OTC: variants seen among roughly 807,000 people sequenced by gnomAD.
OTC encodes the protein ornithine transcarbamylase, also known as ornithine transcarbamylase, mitochondrial.
A neutral mutation model predicts 30.3 loss-of-function variants in OTC; 3 were observed. The observed-to-expected ratio is 0.10, with a 90% CI of 0.05 to 0.26. The LOEUF (loss-of-function observed/expected upper bound fraction) is 0.26. OTC is among the 10% of genes least tolerant of loss of function. The pLI is 1.00. For missense variants in OTC, 194 were observed against 260.3 expected, an observed-to-expected ratio of 0.75 and a Z score of 1.75; for synonymous variants, 111 against 99.7, an observed-to-expected ratio of 1.11 and a Z score of -0.67.
At chrX:38,417,844 T>C (rs1401025714) in intron 9 of OTC, among the ~76,000 whole-genome samples, 2 of 111,858 alleles carry the variant, frequency 1.8e-5, no homozygotes, top group African/African-American at 6.5e-5. Flanking sequence ...TGAATACTAT[T>C]CCATTGGATA....
intron 2 of OTC, among the ~76,000 whole-genome samples, chrX:38,368,282 C>G (rs1185937537): frequency 9.0e-6 from 1 of 111,399 alleles, no homozygotes; most frequent in East Asian, 2.9e-4. Context: ...ATTGCTTGAA[C>G]CCAGGAGGCG....
chrX:38,396,803 G>A lies in OTC; in HGVS notation c.387-4472G>A, dbSNP rs774719920. Among the ~76,000 whole-genome samples the A allele has an allele frequency of 1.0e-3, 116 of 111,700 alleles. 1 individual carries two copies. Among genetic ancestry groups the A allele is most frequent in the African/African-American group, 3.3e-3 (102 of 30,754 alleles). On this transcript the variant is annotated intron_variant, in intron 4 of 9. Coordinates refer to ENST00000039007, the MANE Select transcript of OTC (RefSeq NM_000531.6). Reference sequence around the variant, plus strand: ...AAAAAAATTTAGACTACTTTTTATGGACATTTAACTAAGTTAGTATTTTGG... The same window carrying A: ...AAAAAAATTTAGACTACTTTTTATGAACATTTAACTAAGTTAGTATTTTGG...
At chrX:38,391,021 G>A (rs1045757090) in intron 4 of OTC, among the ~76,000 whole-genome samples, 1 of 111,431 alleles carries the variant, frequency 9.0e-6, no homozygotes, top group Non-Finnish European at 1.9e-5. Flanking sequence ...CAGAAACTAA[G>A]GGTTGGAAAG....
chrX:38,380,873 C>T (rs1004283705), intron 3 of OTC, among the ~76,000 whole-genome samples: 1 of 111,328 alleles, frequency 9.0e-6, no homozygotes, highest in East Asian at 2.8e-4. Context: ...GGATTACAGG[C>T]GCCTGCCACC....
Position 38,356,953 on chromosome X carries a change from G to GT in OTC, c.77+4189dup, listed in dbSNP as rs994005912. 5.4e-5 allele frequency among the ~76,000 whole-genome samples: 6 copies of GT among 110,102 alleles called. No homozygotes were observed. The East Asian group carries it at 8.6e-4, about 16-fold the overall frequency. On this transcript the variant is annotated intron_variant, in intron 1 of 9. Coordinates refer to ENST00000039007, the MANE Select transcript of OTC (RefSeq NM_000531.6). ...TTCACATCAGTGGGATCACTGCAAAGTTTTTTTTTGTGAAAATACAGCTCC... is the reference window on the plus strand; with the variant it reads ...TTCACATCAGTGGGATCACTGCAAAGTTTTTTTTTTGTGAAAATACAGCTCC...
At chrX:38,328,895 T>A in the OTC span, among the ~76,000 whole-genome samples, 2 of 109,908 alleles carry the variant, frequency 1.8e-5, no homozygotes, top group East Asian at 2.9e-4. Context: ...ATTTTAGGTC[T>A]TAGAATCAAC....
intron 6 of OTC, among the ~76,000 whole-genome samples, chrX:38,404,723 G>A (rs137969492): frequency 0.017 from 1,897 of 111,242 alleles, 31 homozygotes; most frequent in African/African-American, 0.057. Flanking sequence ...TAAGGGATTA[G>A]GGGGAGCAGG....
At chrX:38,396,772 GA>G (rs962770335) in intron 4 of OTC, among the ~76,000 whole-genome samples, 107 of 104,393 alleles carry the variant, frequency 1.0e-3, no homozygotes, top group East Asian at 9.4e-3. Flanking sequence ...GACTCCGTCT[GA>G]AAAAAAAAAA....
At chrX:38,366,650 G>T (rs763494267) in intron 1 of OTC, among the ~76,000 whole-genome samples, 1 of 111,846 alleles carries the variant, frequency 8.9e-6, no homozygotes, top group Non-Finnish European at 1.9e-5. Context: ...TAATTTTCTA[G>T]GTGTGAAATT....
chrX:38,400,061 G>T (rs1371236043), intron 4 of OTC, among the ~76,000 whole-genome samples: 1 of 110,916 alleles, frequency 9.0e-6, no homozygotes, highest in East Asian at 2.8e-4. Context: ...CTTTGAAATT[G>T]TCTTTCACAC....
At chrX:38,414,787 C>T (rs747551963) in intron 9 of OTC, among the ~76,000 whole-genome samples, 10 of 111,660 alleles carry the variant, frequency 9.0e-5, no homozygotes, top group Non-Finnish European at 1.1e-4. Context: ...GTGCCTTACA[C>T]GGACGCTAGA....
At chrX:38,400,907 G>T (rs2068482031) in intron 4 of OTC, among the ~76,000 whole-genome samples, 1 of 112,533 alleles carries the variant, frequency 8.9e-6, no homozygotes, top group Non-Finnish European at 1.9e-5. Flanking sequence ...TCTGTTGGAT[G>T]ATGTGAAAGA....
chrX:38,335,915 GT>G, the OTC span, among the ~76,000 whole-genome samples: 641 of 108,112 alleles, frequency 5.9e-3, 5 homozygotes, highest in African/African-American at 0.02. Flanking sequence ...CCAACTCTGA[GT>G]TTTTTTTTTC....
chrX:38,371,317 T>C (rs1051628845), intron 3 of OTC, among the ~76,000 whole-genome samples: 3 of 111,279 alleles, frequency 2.7e-5, no homozygotes, highest in Non-Finnish European at 5.6e-5. Context: ...AGTTTCAAAA[T>C]GGACACTTTG....
chrX:38,412,066 T>C (rs2068546827), intron 9 of OTC, 67 bp downstream of exon 9: 2 of 1,068,713 alleles, frequency 1.9e-6, no homozygotes, highest in Non-Finnish European at 2.6e-6. Flanking sequence ...TTCATGCCTT[T>C]GGGGAAATAA....
the OTC span, among the ~76,000 whole-genome samples, chrX:38,336,639 AT>A: frequency 1.8e-5 from 2 of 110,821 alleles, no homozygotes; most frequent in African/African-American, 6.6e-5. Context: ...TTTTAATTTT[AT>A]TGTCCCTTTA....
At chrX:38,353,730 AC>A (rs2068228384) in intron 1 of OTC, among the ~76,000 whole-genome samples, 1 of 111,561 alleles carries the variant, frequency 9.0e-6, no homozygotes, top group South Asian at 3.7e-4. Flanking sequence ...TCAGAATGAT[AC>A]CGTAAATAAT....
chrX:38,421,136 G>T lies in OTC; in HGVS notation c.*54G>T. 2.4e-6 allele frequency: 2 copies of T among 843,058 alleles called. No individual in the cohort carries two copies. Among genetic ancestry groups the T allele is most frequent in the Non-Finnish European group, 3.6e-6 (2 of 560,763 alleles). The allele number at this position is 843,058 out of a possible 1,213,427, so 69.5% of individuals were successfully genotyped here. On this transcript the variant is annotated 3_prime_UTR_variant, in exon 10 of 10. Coordinates refer to ENST00000039007, the MANE Select transcript of OTC (RefSeq NM_000531.6). ...ATGTTCTTCAGTAACAGAATGAGTTGGTTTATGGGGAAAAGAGAAGAGAAT... is the reference window on the plus strand; with the variant it reads ...ATGTTCTTCAGTAACAGAATGAGTTTGTTTATGGGGAAAAGAGAAGAGAAT...
At chrX:38,348,880 A>G (rs111467173), upstream of OTC, among the ~76,000 whole-genome samples, 94 of 111,928 alleles carry the variant, frequency 8.4e-4, no homozygotes, top group Non-Finnish European at 1.3e-3. Context: ...GCTACAATTC[A>G]GAGCTTTTGT....
Sources: allele counts gnomAD v4.1 joint callset (sites outside exome capture counted in the v4.1 genomes callset), GRCh38; gene constraint gnomAD v4.1.1; transcripts MANE v1.5; gene names NCBI Gene and HGNC (gene_info 2026-07-23, HGNC 2026-07-21).